REDIC1: variants seen among roughly 807,000 people sequenced by gnomAD.
The protein encoded by REDIC1 is regulator of DNA class I crossover intermediates 1.
chr12:39,902,017 A>G, the REDIC1 span, among the ~76,000 whole-genome samples: 2 of 152,132 alleles, frequency 1.3e-5, no homozygotes, highest in Non-Finnish European at 2.9e-5. Context: ...CAGCCAGAAA[A>G]AAGGATGAGT....
At chr12:39,672,266 C>T in the REDIC1 span, among the ~76,000 whole-genome samples, 1 of 152,050 alleles carries the variant, frequency 6.6e-6, no homozygotes, top group East Asian at 1.9e-4. Flanking sequence ...CTCAGGGCCC[C>T]TGATGGTGCA....
At chr12:39,712,575 GTA>G in the REDIC1 span, among the ~76,000 whole-genome samples, 1 of 141,726 alleles carries the variant, frequency 7.1e-6, no homozygotes, top group African/African-American at 2.6e-5. Flanking sequence ...ACGTATATAC[GTA>G]TATATGTATA....
chr12:39,898,786 TCA>T, the REDIC1 span, among the ~76,000 whole-genome samples: 11 of 152,136 alleles, frequency 7.2e-5, no homozygotes, highest in African/African-American at 2.2e-4. Flanking sequence ...AATTATTCTC[TCA>T]CAGCATGAAC....
the REDIC1 span, among the ~76,000 whole-genome samples, chr12:39,793,000 T>C: frequency 6.6e-6 from 1 of 152,164 alleles, no homozygotes; most frequent in Admixed American, 6.6e-5. Context: ...TTTCTATGAC[T>C]GGTTAACAAA....
At chr12:39,655,231 A>G in the REDIC1 span, among the ~76,000 whole-genome samples, 1 of 152,090 alleles carries the variant, frequency 6.6e-6, no homozygotes, top group Non-Finnish European at 1.5e-5. Flanking sequence ...TAAGTTCTAC[A>G]CTAATGTTTA....
the REDIC1 span, among the ~76,000 whole-genome samples, chr12:39,643,113 G>T: frequency 6.6e-6 from 1 of 151,576 alleles, no homozygotes; most frequent in African/African-American, 2.4e-5. Flanking sequence ...CATAATAGTT[G>T]CTTGATAAAT....
chr12:39,643,029 G>A, the REDIC1 span, among the ~76,000 whole-genome samples: 14 of 151,610 alleles, frequency 9.2e-5, no homozygotes, highest in East Asian at 1.9e-4. Context: ...TGACAATTTC[G>A]CATTTATATT....
At chr12:39,795,322 A>G in the REDIC1 span, among the ~76,000 whole-genome samples, 1 of 152,138 alleles carries the variant, frequency 6.6e-6, no homozygotes, top group African/African-American at 2.4e-5. Context: ...AAATCTACAC[A>G]GTTTTAAACT....
At chr12:39,870,799 G>C in the REDIC1 span, among the ~76,000 whole-genome samples, 1 of 152,144 alleles carries the variant, frequency 6.6e-6, no homozygotes, top group Admixed American at 6.6e-5. Context: ...GGAGGTGAAA[G>C]CGTTCTACTC....
At chr12:39,797,249 G>GT in the REDIC1 span, among the ~76,000 whole-genome samples, 2 of 152,222 alleles carry the variant, frequency 1.3e-5, no homozygotes, top group African/African-American at 4.8e-5. Context: ...GGAAACAATG[G>GT]TAAAAACTGT....
the REDIC1 span, among the ~76,000 whole-genome samples, chr12:39,663,126 C>T: frequency 3.9e-4 from 59 of 151,768 alleles, 1 homozygote; most frequent in Non-Finnish European, 2.2e-4. Flanking sequence ...CAGAGTAATC[C>T]GGCTTCATAT....
chr12:39,763,629 G>C, the REDIC1 span, among the ~76,000 whole-genome samples: 2 of 151,992 alleles, frequency 1.3e-5, no homozygotes, highest in African/African-American at 4.8e-5. Flanking sequence ...AAGAGATTGC[G>C]GGGAGATGAG....
chr12:39,822,559 T>C, the REDIC1 span, among the ~76,000 whole-genome samples: 1 of 152,222 alleles, frequency 6.6e-6, no homozygotes, highest in Non-Finnish European at 1.5e-5. Flanking sequence ...ATCTCTGCTG[T>C]ACACCTTCTG....
At chr12:39,812,382 C>CTTTTCTTTTCT in the REDIC1 span, among the ~76,000 whole-genome samples, 406 of 101,160 alleles carry the variant, frequency 4.0e-3, 1 homozygote, top group African/African-American at 0.013. Flanking sequence ...CTTTTCTTTT[C>CTTTTCTTTTCT]TTTCTTTCTC....
the REDIC1 span, among the ~76,000 whole-genome samples, chr12:39,840,178 C>T: frequency 3.9e-5 from 6 of 152,076 alleles, no homozygotes; most frequent in African/African-American, 7.2e-5. Context: ...ATTACAGGCA[C>T]GTGCAACCAT....
the REDIC1 span, among the ~76,000 whole-genome samples, chr12:39,761,685 A>G: frequency 3.9e-5 from 6 of 152,118 alleles, no homozygotes; most frequent in South Asian, 1.2e-3. Context: ...GATATGCAAG[A>G]CTGTGGAGGT....
the REDIC1 span, among the ~76,000 whole-genome samples, chr12:39,841,602 AAT>A: frequency 6.6e-6 from 1 of 152,094 alleles, no homozygotes; most frequent in Non-Finnish European, 1.5e-5. Flanking sequence ...ATGTGTGCAT[AAT>A]ATATATACAT....
the REDIC1 span, among the ~76,000 whole-genome samples, chr12:39,825,616 C>T: frequency 3.5e-4 from 53 of 152,246 alleles, no homozygotes; most frequent in African/African-American, 1.2e-3. Context: ...CTGGAGAACA[C>T]GGTTCATAGT....
At chr12:39,711,777 G>A in the REDIC1 span, among the ~76,000 whole-genome samples, 4 of 132,398 alleles carry the variant, frequency 3.0e-5, no homozygotes, top group Admixed American at 7.2e-5. Flanking sequence ...GTGTGCACAT[G>A]CATGTGTATG....
Sources: allele counts gnomAD v4.1 joint callset (sites outside exome capture counted in the v4.1 genomes callset), GRCh38; gene constraint gnomAD v4.1.1; transcripts MANE v1.5; gene names NCBI Gene and HGNC (gene_info 2026-07-23, HGNC 2026-07-21).